The following CDC37L1 variants were observed in gnomAD, a reference collection of about 807,000 sequenced individuals.
The protein encoded by CDC37L1 is hsp90 co-chaperone Cdc37-like 1.
Under a neutral mutation model 45.9 loss-of-function variants are expected in CDC37L1, and 32 were observed. That is an observed-to-expected ratio of 0.70 (90% CI 0.53 to 0.94). The LOEUF (loss-of-function observed/expected upper bound fraction) is 0.94. Among genes scored for constraint, CDC37L1 ranks in the 40% least tolerant of loss-of-function variants. CDC37L1 has a pLI of 0.00. For synonymous variants in CDC37L1, 150 were observed against 133.0 expected (o/e 1.13, Z -0.88); for missense variants, 434 against 405.7 (o/e 1.07, Z -0.60).
intron 3 of CDC37L1, among the ~76,000 whole-genome samples, chr9:4,695,695 C>G (rs1275127378): frequency 1.3e-5 from 2 of 152,086 alleles, no homozygotes; most frequent in Non-Finnish European, 2.9e-5. Flanking sequence ...CAGGGTCTTA[C>G]TATGTTGCTG....
rs1841167298 is a variant in CDC37L1, at chr9:4,679,695, C to G, written c.-73C>G. 1 of 1,420,540 alleles carries G rather than the reference C, an allele frequency of 7.0e-7. No individual in the cohort carries two copies. The highest frequency in any genetic ancestry group is 9.6e-7 in the Non-Finnish European group (1 of 1,045,316). 88.0% of individuals were successfully genotyped at this position (1,420,540 alleles called of 1,614,324 possible). On this transcript the variant is annotated 5_prime_UTR_variant, in exon 1 of 7. Coordinates refer to ENST00000381854, the MANE Select transcript of CDC37L1 (RefSeq NM_017913.4). ...GGCTTCTGGCTCGGCGCAGCAGGTT[C>G]CATTCACGCCAAGTCTGTTGGCAGT...
intron 3 of CDC37L1, 151 bp downstream of exon 3, chr9:4,688,757 ATT>A (rs377728643): frequency 4.1e-3 from 1,524 of 374,014 alleles, no homozygotes; most frequent in East Asian, 5.5e-3. Context: ...TTGTTTTAGA[ATT>A]TTTTTTTTTT....
intron 6 of CDC37L1, chr9:4,703,173 G>T: frequency 6.8e-7 from 1 of 1,470,546 alleles, no homozygotes; most frequent in South Asian, 1.4e-5. Flanking sequence ...ACAATGTGAG[G>T]AGAGTCCTAT....
chr9:4,680,834 C>T (rs1312398445), intron 1 of CDC37L1, among the ~76,000 whole-genome samples: 4 of 152,208 alleles, frequency 2.6e-5, no homozygotes, highest in African/African-American at 9.6e-5. Context: ...GTTTTCCTCT[C>T]AACTTATTTT....
At chr9:4,679,983 C>T (rs1271804407) in intron 1 of CDC37L1, 84 bp downstream of exon 1, 4 of 1,527,188 alleles carry the variant, frequency 2.6e-6, no homozygotes, top group Non-Finnish European at 3.6e-6. Context: ...AGACCCTCTT[C>T]TACGCCTTTT....
chr9:4,695,588 G>T (rs1841340204), intron 3 of CDC37L1, among the ~76,000 whole-genome samples: 1 of 151,960 alleles, frequency 6.6e-6, no homozygotes. Context: ...TAGCTCCTAG[G>T]CTCCCAAGTG....
At chr9:4,680,753 T>A (rs1184094049) in intron 1 of CDC37L1, among the ~76,000 whole-genome samples, 1 of 152,234 alleles carries the variant, frequency 6.6e-6, no homozygotes, top group African/African-American at 2.4e-5. Context: ...ACTAATATAT[T>A]CAATGGATCA....
chr9:4,701,757 C>G, intron 5 of CDC37L1, 107 bp from the exon 6 acceptor site: 1 of 700,900 alleles, frequency 1.4e-6, no homozygotes, highest in East Asian at 2.9e-5. Context: ...GACTATTCAC[C>G]TTGTCATTAC....
intron 1 of CDC37L1, among the ~76,000 whole-genome samples, 158 bp downstream of exon 1, chr9:4,680,057 C>T (rs942740307): frequency 5.3e-5 from 8 of 152,244 alleles, no homozygotes; most frequent in African/African-American, 1.9e-4. Context: ...CCATCCCACC[C>T]CTTTTATGGC....
At position 4,688,568 on chromosome 9, in the gene CDC37L1, C is replaced by A; in HGVS notation, c.470C>A (p.Ser157Ter). The stretch of plus-strand genomic sequence containing the variant: ...ACAGAAGATGAAGATAAATCAGAAT[C>A]ATTTATGCAAAAATATGAGCAAAAA... ...KDTEDEDKSESFMQKYEQKIR... is the reference protein window; with the variant it reads ...KDTEDEDKSE The change falls in exon 3 of 7, where the codon TCA becomes TAA. Residue 157 changes from serine (S) to a stop codon, truncating the protein, a stop_gained. Coordinates refer to ENST00000381854, the MANE Select transcript of CDC37L1 (RefSeq NM_017913.4). LOFTEE classifies it high-confidence loss of function. 6.6e-7 allele frequency: 1 copy of A among 1,524,312 alleles called. No individual in the cohort carries two copies. The highest frequency in any genetic ancestry group is 1.3e-5 in the South Asian group (1 of 76,054). 94.4% of individuals were successfully genotyped at this position (1,524,312 alleles called of 1,614,324 possible).
At chr9:4,691,745 C>T (rs777078759) in intron 3 of CDC37L1, among the ~76,000 whole-genome samples, 1 of 152,018 alleles carries the variant, frequency 6.6e-6, no homozygotes, top group Non-Finnish European at 1.5e-5. Flanking sequence ...AATTTACCAC[C>T]TAGTGGTAAA....
At chr9:4,696,210 A>G (rs2130851004) in intron 3 of CDC37L1, among the ~76,000 whole-genome samples, 1 of 152,322 alleles carries the variant, frequency 6.6e-6, no homozygotes, top group East Asian at 1.9e-4. Flanking sequence ...CTGATGTGGA[A>G]TTAAATATAT....
intron 3 of CDC37L1, among the ~76,000 whole-genome samples, chr9:4,696,497 GAGAAAAAAAGAAA>G (rs1841349501): frequency 6.6e-6 from 1 of 150,826 alleles, no homozygotes; most frequent in Non-Finnish European, 1.5e-5. Flanking sequence ...AAAAAAAGAA[GAGAAAAAAAGAAA>G]AGAAAAAAAT....
At position 4,706,773 on chromosome 9, in the gene CDC37L1, C is replaced by T. The variant is rs1015986883; in HGVS notation, c.*661C>T. The T allele has an allele frequency of 6.6e-6, 1 of 152,010 alleles. No individual in the cohort carries two copies. Among genetic ancestry groups the T allele is most frequent in the Non-Finnish European group, 1.5e-5 (1 of 67,974 alleles). The allele number at this position is 152,010 out of a possible 1,614,324, so 9.4% of individuals were successfully genotyped here. A position where few individuals can be genotyped will look rare whatever the true frequency, so the allele number is the denominator to read the frequency against. On this transcript the variant is annotated 3_prime_UTR_variant, in exon 7 of 7. Coordinates refer to ENST00000381854, the MANE Select transcript of CDC37L1 (RefSeq NM_017913.4). ...TATATTCCTTAGAATTTGATTTTAC[C>T]CTGCTGACTTTAAGAGTTATAATAA...
intron 6 of CDC37L1, among the ~76,000 whole-genome samples, chr9:4,704,547 A>T (rs1317778573): frequency 6.6e-6 from 1 of 152,232 alleles, no homozygotes; most frequent in Non-Finnish European, 1.5e-5. Context: ...TGTTATTAAA[A>T]GTTGTGCCAT....
At chr9:4,680,447 G>C (rs1405198442) in intron 1 of CDC37L1, among the ~76,000 whole-genome samples, 3 of 152,166 alleles carry the variant, frequency 2.0e-5, no homozygotes, top group East Asian at 3.8e-4. Context: ...CCATTCGCGT[G>C]ACCATCTTTG....
At chr9:4,702,667 G>A (rs960952158) in intron 6 of CDC37L1, among the ~76,000 whole-genome samples, 7 of 151,820 alleles carry the variant, frequency 4.6e-5, no homozygotes, top group Non-Finnish European at 7.4e-5. Flanking sequence ...AGATCACGAG[G>A]TCAGGAGATC....
intron 3 of CDC37L1, among the ~76,000 whole-genome samples, chr9:4,692,121 G>A (rs1225308787): frequency 1.3e-5 from 2 of 151,810 alleles, no homozygotes; most frequent in African/African-American, 2.4e-5. Flanking sequence ...AAGTTTTTTC[G>A]TTTGTTCTGA....
At chr9:4,685,257 A>T in intron 2 of CDC37L1, 99 bp downstream of exon 2, 2 of 921,568 alleles carry the variant, frequency 2.2e-6, no homozygotes, top group East Asian at 4.9e-5. Flanking sequence ...AATCCCATAA[A>T]CAGTGTTCAA....
Sources: allele counts gnomAD v4.1 joint callset (sites outside exome capture counted in the v4.1 genomes callset), GRCh38; gene constraint gnomAD v4.1.1; transcripts MANE v1.5; gene names NCBI Gene and HGNC (gene_info 2026-07-23, HGNC 2026-07-21).